CHUK: variants seen among roughly 807,000 people sequenced by gnomAD.
CHUK encodes the protein component of inhibitor of nuclear factor kappa B kinase complex.
Under a neutral mutation model 104.8 loss-of-function variants are expected in CHUK, and 35 were observed. The observed-to-expected ratio is 0.33, with a 90% confidence interval of 0.26 to 0.44. The LOEUF is 0.44. CHUK is among the 20% of genes least tolerant of loss of function. The probability of loss-of-function intolerance (pLI) is 1.00; values close to 1 mark genes in which losing one functional copy is unlikely to be tolerated. For missense variants in CHUK, 663 were observed against 902.7 expected, an observed-to-expected ratio of 0.73 and a Z score of 3.40; for synonymous variants, 276 against 291.9, an observed-to-expected ratio of 0.95 and a Z score of 0.56.
Position 100,200,579 on chromosome 10 carries a change from A to C in CHUK, c.1679+92T>G, listed in dbSNP as rs1226962805. ...ATTTGGGGAAAGGAAAACTATAGAAAAGAACCACTAGAGGTTTAATTTGCC... is the reference window on the plus strand; with the variant it reads ...ATTTGGGGAAAGGAAAACTATAGAACAGAACCACTAGAGGTTTAATTTGCC... On this transcript the variant is annotated intron_variant, in intron 15 of 20. Coordinates refer to ENST00000370397, the MANE Select transcript of CHUK (RefSeq NM_001278.5). The C allele has an allele frequency of 5.3e-6, 4 of 755,166 alleles. No individual in the cohort carries two copies. In the African/African-American group the frequency reaches 6.8e-5, roughly 13 times the overall value. The allele number at this position is 755,166 out of a possible 1,614,324, so 46.8% of individuals were successfully genotyped here.
chr10:100,189,553 T>C lies in CHUK; in HGVS notation c.*45A>G, dbSNP rs954027898. 78 of 1,528,522 alleles carry C rather than the reference T, an allele frequency of 5.1e-5. No homozygotes were observed. The highest frequency in any genetic ancestry group is 7.0e-5 in the Non-Finnish European group (77 of 1,102,206). The allele number at this position is 1,528,522 out of a possible 1,614,324, so 94.7% of individuals were successfully genotyped here. On this transcript the variant is annotated 3_prime_UTR_variant, in exon 21 of 21. Transcript: ENST00000370397. ...GGGAAAAACACATTTCCAACATGTA[T>C]AGCAACAACTTCCATAGGTTTGGGG...
intron 19 of CHUK, among the ~76,000 whole-genome samples, chr10:100,191,970 T>C (rs1328192849): frequency 6.6e-6 from 1 of 152,024 alleles, no homozygotes; most frequent in Non-Finnish European, 1.5e-5. Flanking sequence ...ATACAAAAAT[T>C]AGCCAGGTAT....
intron 14 of CHUK, among the ~76,000 whole-genome samples, chr10:100,201,804 G>C (rs1198847940): frequency 6.6e-6 from 1 of 152,134 alleles, no homozygotes. Flanking sequence ...AGTGAGCTTT[G>C]ATCATGCCAC....
chr10:100,204,723 A>G, intron 12 of CHUK, 66 bp from the exon 13 acceptor site: 1 of 1,333,604 alleles, frequency 7.5e-7, no homozygotes, highest in East Asian at 2.3e-5. Flanking sequence ...AACATTGAAC[A>G]ATAATGTAAA....
intron 9 of CHUK, among the ~76,000 whole-genome samples, chr10:100,215,098 G>A (rs908908601): frequency 5.3e-5 from 8 of 151,746 alleles, no homozygotes; most frequent in East Asian, 1.9e-4. Context: ...AGCTGGACAC[G>A]GTGGCAGGCA....
intron 19 of CHUK, chr10:100,192,623 T>C: frequency 1.0e-6 from 1 of 986,150 alleles, no homozygotes. Context: ...GAGGTCTCCA[T>C]GAGTTGTGAG....
At chr10:100,207,103 C>G in intron 11 of CHUK, 127 bp downstream of exon 11, 1 of 680,204 alleles carries the variant, frequency 1.5e-6, no homozygotes, top group African/African-American at 1.8e-5. Context: ...TCATATAACT[C>G]CATATAGAAA....
At chr10:100,220,732 A>G in intron 4 of CHUK, 56 bp from the exon 5 acceptor site, 2 of 1,112,622 alleles carry the variant, frequency 1.8e-6, no homozygotes, top group Non-Finnish European at 2.7e-6. Context: ...GTTAAAAGAA[A>G]AATTCACCTC....
chr10:100,221,642 C>T (rs1039346135), intron 4 of CHUK, among the ~76,000 whole-genome samples: 1 of 152,024 alleles, frequency 6.6e-6, no homozygotes, highest in Non-Finnish European at 1.5e-5. Flanking sequence ...ATCCTAGTTT[C>T]TTTTTGTGTG....
At chr10:100,221,801 C>A (rs1204542586) in intron 4 of CHUK, among the ~76,000 whole-genome samples, 1 of 152,092 alleles carries the variant, frequency 6.6e-6, no homozygotes, top group African/African-American at 2.4e-5. Context: ...TTGTGCCCAG[C>A]TAATTTTTGT....
At chr10:100,214,175 G>T (rs915539548) in intron 9 of CHUK, among the ~76,000 whole-genome samples, 1 of 152,080 alleles carries the variant, frequency 6.6e-6, no homozygotes, top group East Asian at 1.9e-4. Context: ...CAGGCCAGAA[G>T]GAAGCAAAAG....
At chr10:100,193,948 A>T in intron 18 of CHUK, 36 bp downstream of exon 18, 1 of 1,580,342 alleles carries the variant, frequency 6.3e-7, no homozygotes, top group Non-Finnish European at 8.7e-7. Context: ...ATAGCAACTC[A>T]ATGTCACATT....
At position 100,222,870 on chromosome 10, in the gene CHUK, C is replaced by T. The variant is rs770980140; in HGVS notation, c.311G>A (p.Arg104Gln). ...ATCTCAAAACATCCACACTACCTTT[C>T]GGAGATCTCCTCCAGAACAGTATTC... ...AMEYCSGGDL[R>Q]KLLNKPENCC... Residue 104 changes from arginine to glutamine, a missense_variant, in exon 3 of 21, where the codon CGA (arginine) becomes CAA (glutamine). This residue lies in a region of CHUK where 200 missense variants were observed against 333.0 expected (regional missense o/e 0.60). Transcript: ENST00000370397. 6.1e-6 allele frequency: 9 copies of T among 1,482,576 alleles called. No individual in the cohort carries two copies. The highest frequency in any genetic ancestry group is 2.3e-5 in the South Asian group (2 of 88,408). 91.8% of individuals were successfully genotyped at this position (1,482,576 alleles called of 1,614,324 possible).
At chr10:100,220,073 G>T (rs1482676454) in intron 5 of CHUK, among the ~76,000 whole-genome samples, 2 of 152,158 alleles carry the variant, frequency 1.3e-5, no homozygotes, top group Non-Finnish European at 2.9e-5. Flanking sequence ...CCAATGAAAT[G>T]AACATTTTAA....
chr10:100,215,038 C>G (rs578120419), intron 9 of CHUK, among the ~76,000 whole-genome samples: 1 of 151,782 alleles, frequency 6.6e-6, no homozygotes, highest in South Asian at 2.1e-4. Flanking sequence ...GTGTCAAGAC[C>G]AGCCTGGCCA....
rs572144409 is a variant in CHUK at position 100,219,590 on chromosome 10, G to A, written c.475-231C>T. On this transcript the variant is annotated intron_variant, in intron 5 of 20. Coordinates refer to ENST00000370397, the MANE Select transcript of CHUK (RefSeq NM_001278.5). Reference sequence around the variant, plus strand: ...GATGACTAACAGTCCCTGCTTCACAGAATTGTTATTAGGATCCAATGAAAT... The same window carrying A: ...GATGACTAACAGTCCCTGCTTCACAAAATTGTTATTAGGATCCAATGAAAT... Among the ~76,000 whole-genome samples the A allele has an allele frequency of 1.3e-4, 20 of 152,260 alleles. No homozygotes were observed. In the South Asian group the frequency reaches 3.9e-3, roughly 30 times the overall value.
chr10:100,200,642 C>A, intron 15 of CHUK, 29 bp downstream of exon 15: 1 of 1,031,276 alleles, frequency 9.7e-7, no homozygotes, highest in South Asian at 1.3e-5. Context: ...TTACAGATGT[C>A]AAGACCAACA....
intron 2 of CHUK, among the ~76,000 whole-genome samples, chr10:100,225,319 T>G (rs972380661): frequency 5.3e-5 from 8 of 152,362 alleles, no homozygotes; most frequent in African/African-American, 1.7e-4. Context: ...TTGACTACTC[T>G]AGGTACCACA....
chr10:100,228,993 G>GCGCACACACA (rs764914118), intron 1 of CHUK, among the ~76,000 whole-genome samples: 183 of 133,558 alleles, frequency 1.4e-3, no homozygotes, highest in East Asian at 2.5e-3. Context: ...GCGCGCGCGC[G>GCGCACACACA]CACACACACA....
Sources: gnomAD v4.1 joint callset for allele counts (sites outside exome capture counted in the v4.1 genomes callset) on GRCh38, gnomAD v4.1.1 for gene constraint, gnomAD v4.1.1 regional missense constraint, MANE v1.5 for transcripts, NCBI Gene and HGNC (gene_info 2026-07-23, HGNC 2026-07-21) for gene names.